TMEM247: variants seen among roughly 807,000 people sequenced by gnomAD.
TMEM247 encodes transmembrane protein 247, also known as transmembrane protein ENSP00000343375.
TMEM247 carries 23 observed loss-of-function variants against 20.7 expected under a neutral mutation model. That is an observed-to-expected ratio of 1.11 (90% CI 0.80 to 1.57). The LOEUF is 1.57. TMEM247 is among the 40% of genes most tolerant of loss of function. TMEM247 has a pLI of 0.00. For synonymous variants in TMEM247, 106 were observed against 111.9 expected, an observed-to-expected ratio of 0.95 and a Z score of 0.33; for missense variants, 354 against 283.8, an observed-to-expected ratio of 1.25 and a Z score of -1.78.
In TMEM247 at chr2:46,482,734, G is replaced by A. The variant is rs562811208; in HGVS notation, c.478-1510G>A. ...CATACTGAGCCTGCAGAGAACCGTC[G>A]GGTCAGCCCCGTCCTCCACTCCCAT... On this transcript the variant is annotated intron_variant, in intron 2 of 2. Transcript: ENST00000434431. 5.3e-5 allele frequency among the ~76,000 whole-genome samples: 8 copies of A among 152,272 alleles called. No individual in the cohort carries two copies. In the South Asian group the frequency reaches 8.3e-4, roughly 16 times the overall value.
chr2:46,481,582 A>G (rs1686890053), intron 2 of TMEM247, among the ~76,000 whole-genome samples: 1 of 152,186 alleles, frequency 6.6e-6, no homozygotes, highest in African/African-American at 2.4e-5. Flanking sequence ...AGTAGTACCT[A>G]CCTCACAGGG....
At position 46,479,714 on chromosome 2, in the gene TMEM247, G is replaced by T. The variant is rs1352637153; in HGVS notation, c.117+12G>T. ...CAAGGGCTTATCTGGTAAGGGGGCTGCTGTGTCTCACCACCCCCGCCTATT... is the reference window on the plus strand; with the variant it reads ...CAAGGGCTTATCTGGTAAGGGGGCTTCTGTGTCTCACCACCCCCGCCTATT... On this transcript the variant is annotated intron_variant, in intron 1 of 2. Transcript: ENST00000434431. 3 of 1,529,986 alleles carry T rather than the reference G, an allele frequency of 2.0e-6. No individual in the cohort carries two copies. Among genetic ancestry groups the T allele is most frequent in the Admixed American group, 2.0e-5 (1 of 50,932 alleles). 94.8% of individuals were successfully genotyped at this position (1,529,986 alleles called of 1,614,324 possible). A position where few individuals can be genotyped will look rare whatever the true frequency, so the allele number is the denominator to read the frequency against.
chr2:46,480,411 G>A (rs764530259), exon 2 of TMEM247: 3 of 1,542,694 alleles, frequency 1.9e-6, no homozygotes, highest in Non-Finnish European at 2.6e-6. Context: ...CCAGGAGGCA[G>A]AGTCCCAGAA....
chr2:46,484,255 C>T lies in TMEM247; in HGVS notation c.489C>T (p.Gly163=), dbSNP rs1238957246. 4 of 1,549,508 alleles carry T rather than the reference C, an allele frequency of 2.6e-6. No individual in the cohort carries two copies. In the African/African-American group the frequency reaches 5.5e-5, roughly 21 times the overall value. The stretch of plus-strand genomic sequence containing the variant: ...TCTCTCCCCCACAGTTTTCAGGAGG[C>T]CTCCAGAACTTCCTGCTGCCCCAGA... Residue 163 remains glycine, a synonymous_variant, in exon 3 of 3, where the codon GGC becomes GGT. Transcript: ENST00000434431.
chr2:46,481,002 G>A (rs1686878608), intron 2 of TMEM247, among the ~76,000 whole-genome samples: 1 of 152,168 alleles, frequency 6.6e-6, no homozygotes, highest in East Asian at 1.9e-4. Context: ...GGCCAGCTCT[G>A]TTAAACAGAG....
chr2:46,482,625 A>C (rs1199747996), intron 2 of TMEM247, among the ~76,000 whole-genome samples: 1 of 152,208 alleles, frequency 6.6e-6, no homozygotes, highest in Non-Finnish European at 1.5e-5. Context: ...TTTTTTAATG[A>C]AAGTCATAAT....
intron 2 of TMEM247, 25 bp from the exon 3 acceptor site, chr2:46,484,214 ATCATC>A: frequency 6.5e-7 from 1 of 1,531,372 alleles, no homozygotes. Flanking sequence ...CAATGGCATC[ATCATC>A]TCCACTGTCT....
intron 2 of TMEM247, among the ~76,000 whole-genome samples, chr2:46,481,618 C>T (rs1339937242): frequency 3.9e-5 from 6 of 152,346 alleles, no homozygotes; most frequent in Admixed American, 1.3e-4. Flanking sequence ...AATGAGAGAA[C>T]ACACGCAAAG....
Position 46,480,393 on chromosome 2 carries a change from C to T in TMEM247, c.118-12C>T. 13 of 1,529,380 alleles carry T rather than the reference C, an allele frequency of 8.5e-6. No individual in the cohort carries two copies. Among genetic ancestry groups the T allele is most frequent in the Non-Finnish European group, 1.1e-5 (12 of 1,136,624 alleles). 94.7% of individuals were successfully genotyped at this position (1,529,380 alleles called of 1,614,324 possible). Reference sequence around the variant, plus strand: ...TTCAAGGTACCTCCCCTCCCTGCTTCCCCTACGCCAGGAGGCAGAGTCCCA... The same window carrying T: ...TTCAAGGTACCTCCCCTCCCTGCTTTCCCTACGCCAGGAGGCAGAGTCCCA... On this transcript the variant is annotated splice_polypyrimidine_tract_variant and intron_variant, in intron 1 of 2. Transcript: ENST00000434431.
intron 1 of TMEM247, 102 bp from the exon 2 acceptor site, chr2:46,480,303 C>T: frequency 1.6e-6 from 2 of 1,283,978 alleles, no homozygotes; most frequent in Admixed American, 2.8e-5. Flanking sequence ...ATTCAAACAC[C>T]CCAGTCCACT....
chr2:46,483,289 C>T (rs986227456), intron 2 of TMEM247, among the ~76,000 whole-genome samples: 1 of 152,154 alleles, frequency 6.6e-6, no homozygotes, highest in East Asian at 1.9e-4. Flanking sequence ...AAGAAAAGAG[C>T]AACCCACAGA....
Position 46,480,460 on chromosome 2 carries a change from C to T in TMEM247, c.173C>T (p.Ala58Val), listed in dbSNP as rs1000983770. Residue 58 changes from alanine to valine, a missense_variant, in exon 2 of 3, where the codon GCT becomes GTT. By Grantham distance (64) the Ala-to-Val change is moderately conservative. Transcript: ENST00000434431. Reference sequence around the variant, plus strand: ...TATGACTACTTGGAAGAGATGGAAGCTTGTGAGGACGGAGGCTGCCAAGGG... The same window carrying T: ...TATGACTACTTGGAAGAGATGGAAGTTTGTGAGGACGGAGGCTGCCAAGGG... 7.7e-6 allele frequency: 12 copies of T among 1,551,488 alleles called. No individual in the cohort carries two copies. In the African/African-American group the frequency reaches 1.5e-4, roughly 19 times the overall value.
chr2:46,481,308 G>A (rs1686885698), intron 2 of TMEM247, among the ~76,000 whole-genome samples: 1 of 152,146 alleles, frequency 6.6e-6, no homozygotes, highest in African/African-American at 2.4e-5. Context: ...AACTGAAACA[G>A]CCATCTTTTC....
chr2:46,481,088 C>G (rs1245147470), intron 2 of TMEM247, among the ~76,000 whole-genome samples: 1 of 152,150 alleles, frequency 6.6e-6, no homozygotes, highest in Non-Finnish European at 1.5e-5. Context: ...CATCGCCCAC[C>G]CGACAGCCTT....
At chr2:46,484,095 T>G in intron 2 of TMEM247, 149 bp from the exon 3 acceptor site, 2 of 699,868 alleles carry the variant, frequency 2.9e-6, no homozygotes, top group East Asian at 2.8e-5. Context: ...CCAGCCCTCA[T>G]GATTTTGGAA....
exon 1 of TMEM247, chr2:46,479,701 T>A (rs1444182927): frequency 1.3e-6 from 2 of 1,547,914 alleles, no homozygotes; most frequent in Non-Finnish European, 1.7e-6. Context: ...AGGGCTTATC[T>A]GGTAAGGGGG....
In TMEM247 at chr2:46,479,721, C is replaced by T. The variant is rs1686841675; in HGVS notation, c.117+19C>T. On this transcript the variant is annotated intron_variant, in intron 1 of 2. Transcript: ENST00000434431. ...TTATCTGGTAAGGGGGCTGCTGTGT[C>T]TCACCACCCCCGCCTATTCCGTCAG... 6.7e-7 allele frequency: 1 copy of T among 1,496,790 alleles called. No individual in the cohort carries two copies. Among genetic ancestry groups the T allele is most frequent in the Non-Finnish European group, 9.1e-7 (1 of 1,097,004 alleles). The allele number at this position is 1,496,790 out of a possible 1,614,324, so 92.7% of individuals were successfully genotyped here.
intron 1 of TMEM247, 34 bp from the exon 2 acceptor site, chr2:46,480,371 A>T: frequency 6.7e-7 from 1 of 1,503,582 alleles, no homozygotes; most frequent in African/African-American, 1.4e-5. Context: ...CTGACTCTTC[A>T]AGGTACCTCC....
intron 2 of TMEM247, among the ~76,000 whole-genome samples, chr2:46,481,218 T>G (rs1686881932): frequency 6.6e-6 from 1 of 152,170 alleles, no homozygotes; most frequent in African/African-American, 2.4e-5. Context: ...CACTGCACCC[T>G]GGCCAGTGGA....
Sources: allele counts gnomAD v4.1 joint callset (sites outside exome capture counted in the v4.1 genomes callset), GRCh38; gene constraint gnomAD v4.1.1; transcripts MANE v1.5; gene names NCBI Gene and HGNC (gene_info 2026-07-23, HGNC 2026-07-21).